The following ITGB6 variants were observed in gnomAD, a reference collection of about 807,000 sequenced individuals.
The protein encoded by ITGB6 is integrin beta-6.
ITGB6 carries 80 observed loss-of-function variants against 84.5 expected under a neutral mutation model. That is an observed-to-expected ratio of 0.95 (90% CI 0.79 to 1.14). ITGB6 has a LOEUF of 1.14. Ranked by LOEUF, ITGB6 falls within the 50% of genes most tolerant of loss-of-function variation. The pLI is 0.00. For synonymous variants in ITGB6, 383 were observed against 354.9 expected, an observed-to-expected ratio of 1.08 and a Z score of -0.89; for missense variants, 1,006 against 968.0, an observed-to-expected ratio of 1.04 and a Z score of -0.52.
At chr2:160,142,997 C>T (rs1684056643) in intron 7 of ITGB6, among the ~76,000 whole-genome samples, 1 of 152,196 alleles carries the variant, frequency 6.6e-6, no homozygotes, top group Admixed American at 6.5e-5. Flanking sequence ...TCAATATTAA[C>T]TACAGTTTTG....
intron 4 of ITGB6, among the ~76,000 whole-genome samples, chr2:160,175,488 GC>G (rs1685383236): frequency 6.6e-6 from 1 of 152,116 alleles, no homozygotes; most frequent in Non-Finnish European, 1.5e-5. Flanking sequence ...CTTATTTCAG[GC>G]CTCCAACTCT....
intron 12 of ITGB6, among the ~76,000 whole-genome samples, chr2:160,117,535 A>C (rs530391769): frequency 8.3e-4 from 127 of 152,368 alleles, no homozygotes; most frequent in Non-Finnish European, 1.3e-3. Context: ...TGAAATTTAT[A>C]GCACTAAATG....
chr2:160,136,649 C>G (rs2105816762), intron 10 of ITGB6, among the ~76,000 whole-genome samples: 1 of 152,282 alleles, frequency 6.6e-6, no homozygotes, highest in South Asian at 2.1e-4. Flanking sequence ...TTGGAACCAA[C>G]CCAAATGTCC....
At chr2:160,131,574 T>G (rs779739358) in intron 10 of ITGB6, among the ~76,000 whole-genome samples, 1 of 152,204 alleles carries the variant, frequency 6.6e-6, no homozygotes, top group African/African-American at 2.4e-5. Flanking sequence ...TAGTAGGTAC[T>G]CCATGACCAT....
chr2:160,167,669 T>A (rs2105861194), intron 7 of ITGB6, among the ~76,000 whole-genome samples: 1 of 152,342 alleles, frequency 6.6e-6, no homozygotes, highest in South Asian at 2.1e-4. Flanking sequence ...TGCAACTAGC[T>A]TAAATCCGAC....
intron 7 of ITGB6, among the ~76,000 whole-genome samples, chr2:160,163,294 C>T (rs1211524205): frequency 6.6e-6 from 1 of 152,214 alleles, no homozygotes; most frequent in Non-Finnish European, 1.5e-5. Flanking sequence ...ATTGGTTTAG[C>T]TGTCAGGCAG....
chr2:160,194,376 GC>G lies in ITGB6; in HGVS notation c.593+992del, dbSNP rs531495473. ...CTGTTTATCTTTTATAGAGATTGAT[GC>G]CTTTGGTGTATAAAAGTATTATAAA... On this transcript the variant is annotated intron_variant, in intron 4 of 14. Transcript: ENST00000283249. 1.3e-3 allele frequency among the ~76,000 whole-genome samples: 191 copies of G among 151,856 alleles called. 1 individual carries two copies. Among genetic ancestry groups the G allele is most frequent in the African/African-American group, 4.5e-3 (187 of 41,266 alleles).
chr2:160,129,937 T>A (rs1367378628), intron 10 of ITGB6, among the ~76,000 whole-genome samples: 2 of 152,130 alleles, frequency 1.3e-5, no homozygotes, highest in Non-Finnish European at 2.9e-5. Context: ...TATATATATA[T>A]GTATATGTGT....
intron 7 of ITGB6, among the ~76,000 whole-genome samples, chr2:160,148,297 T>G (rs1684275098): frequency 6.6e-6 from 1 of 152,168 alleles, no homozygotes; most frequent in Non-Finnish European, 1.5e-5. Context: ...TCCAGAACAC[T>G]AACAACACCA....
intron 4 of ITGB6, among the ~76,000 whole-genome samples, chr2:160,191,361 T>C (rs1686134049): frequency 6.6e-6 from 1 of 152,192 alleles, no homozygotes; most frequent in African/African-American, 2.4e-5. Context: ...GCTTCCTTTG[T>C]AGTTAACTGT....
chr2:160,172,150 C>G (rs183600407), intron 6 of ITGB6, among the ~76,000 whole-genome samples: 1 of 152,196 alleles, frequency 6.6e-6, no homozygotes, highest in Non-Finnish European at 1.5e-5. Flanking sequence ...CCAAGCCATA[C>G]CTGACTAGTT....
chr2:160,116,629 C>T (rs1162904959), intron 12 of ITGB6, among the ~76,000 whole-genome samples: 2 of 151,956 alleles, frequency 1.3e-5, no homozygotes, highest in African/African-American at 2.4e-5. Flanking sequence ...AACCAGCTAA[C>T]ATCATAATGA....
intron 7 of ITGB6, among the ~76,000 whole-genome samples, chr2:160,149,124 A>G (rs1417767868): frequency 6.6e-6 from 1 of 152,272 alleles, no homozygotes; most frequent in Admixed American, 6.5e-5. Context: ...TTGAGCTCTG[A>G]GAACAGACAG....
chr2:160,147,584 A>G (rs1457360061), intron 7 of ITGB6, among the ~76,000 whole-genome samples: 2 of 152,216 alleles, frequency 1.3e-5, no homozygotes, highest in Admixed American at 1.3e-4. Context: ...AAGACTTACT[A>G]TAAAGCTGAA....
chr2:160,148,511 T>C (rs1391839351), intron 7 of ITGB6, among the ~76,000 whole-genome samples: 1 of 152,240 alleles, frequency 6.6e-6, no homozygotes, highest in Non-Finnish European at 1.5e-5. Flanking sequence ...ACAGCTCCGA[T>C]CTGCAGCTCC....
At chr2:160,194,448 C>T (rs148384405) in intron 4 of ITGB6, among the ~76,000 whole-genome samples, 1 of 151,800 alleles carries the variant, frequency 6.6e-6, no homozygotes, top group Non-Finnish European at 1.5e-5. Flanking sequence ...AGATATATAG[C>T]AGTAATGGGC....
At chr2:160,174,606 C>T in intron 4 of ITGB6, among the ~76,000 whole-genome samples, 1 of 152,144 alleles carries the variant, frequency 6.6e-6, no homozygotes, top group East Asian at 1.9e-4. Flanking sequence ...GTCTGCCTGC[C>T]AAGGGCCCAA....
intron 4 of ITGB6, among the ~76,000 whole-genome samples, chr2:160,175,522 C>A (rs1273603564): frequency 6.6e-6 from 1 of 152,206 alleles, no homozygotes; most frequent in Non-Finnish European, 1.5e-5. Context: ...TTTTCACGGT[C>A]TACATAGTAC....
rs150547491 is a variant in ITGB6 at position 160,199,195 on chromosome 2, G to C, written c.125C>G (p.Ala42Gly). Residue 42 changes from alanine to glycine, a missense_variant, in exon 2 of 15, where the codon GCC becomes GGC. By Grantham distance (60) the Ala-to-Gly change is moderately conservative. Transcript: ENST00000283249. ...TTATTTTACCTCCTGAGCACACCAGGCACACTGAGGTCCAATAAGCAGGCA... is the reference window on the plus strand; with the variant it reads ...TTATTTTACCTCCTGAGCACACCAGCCACACTGAGGTCCAATAAGCAGGCA... ...EDCLLIGPQCAWCAQENFTHP... is the reference protein window; with the variant it reads ...EDCLLIGPQCGWCAQENFTHP... 7.4e-6 allele frequency: 12 copies of C among 1,613,730 alleles called. No homozygotes were observed. The highest frequency in any genetic ancestry group is 1.0e-5 in the Non-Finnish European group (12 of 1,179,802).
Sources: gnomAD v4.1 joint callset for allele counts (sites outside exome capture counted in the v4.1 genomes callset) on GRCh38, gnomAD v4.1.1 for gene constraint, MANE v1.5 for transcripts, NCBI Gene and HGNC (gene_info 2026-07-23, HGNC 2026-07-21) for gene names.